The following ROBO1 variants were observed in gnomAD, a reference collection of about 807,000 sequenced individuals.
ROBO1 encodes the protein roundabout guidance receptor 1, also known as roundabout homolog 1.
In ROBO1, 149 loss-of-function variants were observed where a neutral mutation model predicts 195.9. The observed-to-expected ratio is 0.76, with a 90% confidence interval of 0.67 to 0.87. The LOEUF (loss-of-function observed/expected upper bound fraction) is 0.87, where lower values mean the gene tolerates loss of function less well. ROBO1 is among the 40% of genes least tolerant of loss of function. The pLI is 0.00. For missense variants in ROBO1, 1,933 were observed against 2,068.3 expected (o/e 0.93, Z 1.27); for synonymous variants, 816 against 733.2 (o/e 1.11, Z -1.82).
At chr3:78,649,440 C>A (rs1706509380) in intron 19 of ROBO1, among the ~76,000 whole-genome samples, 1 of 152,054 alleles carries the variant, frequency 6.6e-6, no homozygotes, top group African/African-American at 2.4e-5. Context: ...ACAGGGGGTA[C>A]CCAGCGAACT....
intron 3 of ROBO1, among the ~76,000 whole-genome samples, chr3:78,981,777 T>A (rs1210772212): frequency 1.4e-5 from 2 of 146,188 alleles, no homozygotes; most frequent in Non-Finnish European, 3.0e-5. Flanking sequence ...TCCCATCCCC[T>A]GGCCCCTGCC....
intron 1 of ROBO1, among the ~76,000 whole-genome samples, chr3:79,684,433 T>C (rs1947040073): frequency 1.3e-5 from 2 of 152,160 alleles, no homozygotes; most frequent in African/African-American, 4.8e-5. Flanking sequence ...CTCTAGTTAG[T>C]GAGACATATT....
At chr3:79,315,472 T>A (rs1350217109) in intron 2 of ROBO1, among the ~76,000 whole-genome samples, 1 of 152,170 alleles carries the variant, frequency 6.6e-6, no homozygotes, top group African/African-American at 2.4e-5. Context: ...ACTCTGGATA[T>A]CTTTTCAAGG....
intron 10 of ROBO1, among the ~76,000 whole-genome samples, chr3:78,680,540 C>T (rs2080872239): frequency 6.6e-6 from 1 of 152,022 alleles, no homozygotes; most frequent in Non-Finnish European, 1.5e-5. Context: ...ACAGACACTT[C>T]TCAAAAGAAG....
intron 2 of ROBO1, among the ~76,000 whole-genome samples, chr3:79,417,510 T>A (rs2038054622): frequency 2.0e-5 from 3 of 152,108 alleles, no homozygotes; most frequent in African/African-American, 7.2e-5. Context: ...AGATAATAGA[T>A]ATTTGTTGTT....
intron 4 of ROBO1, among the ~76,000 whole-genome samples, chr3:78,924,708 T>C (rs76530739): frequency 6.6e-6 from 1 of 151,850 alleles, no homozygotes; most frequent in Non-Finnish European, 1.5e-5. Context: ...TTAATCATTA[T>C]AGCTTAGAAA....
chr3:79,423,747 CA>C (rs1177209810), intron 2 of ROBO1, among the ~76,000 whole-genome samples: 2 of 151,980 alleles, frequency 1.3e-5, no homozygotes, highest in African/African-American at 4.8e-5. Context: ...TTACTGACGA[CA>C]AATATAAAGT....
At chr3:79,494,579 C>T (rs996124442) in intron 2 of ROBO1, among the ~76,000 whole-genome samples, 5 of 151,954 alleles carry the variant, frequency 3.3e-5, no homozygotes, top group Non-Finnish European at 7.4e-5. Context: ...TACACATTAA[C>T]AGATTCAGAA....
chr3:79,283,121 ATTAGCAAGTACATTCCTCAATCAT>A (rs2031636427), intron 2 of ROBO1, among the ~76,000 whole-genome samples: 1 of 152,204 alleles, frequency 6.6e-6, no homozygotes, highest in Non-Finnish European at 1.5e-5. Context: ...TTTGTACCTA[ATTAGCAAGTACATTCCTCAATCAT>A]GCCATCCATA....
intron 3 of ROBO1, among the ~76,000 whole-genome samples, chr3:78,964,512 C>A (rs946775839): frequency 2.0e-5 from 3 of 152,074 alleles, no homozygotes; most frequent in African/African-American, 7.2e-5. Context: ...AAAAAAAAGG[C>A]TTTTTGTTCT....
intron 3 of ROBO1, among the ~76,000 whole-genome samples, chr3:78,939,749 A>G (rs1264532129): frequency 6.6e-6 from 1 of 151,424 alleles, no homozygotes; most frequent in Non-Finnish European, 1.5e-5. Context: ...ACTTCCCCAG[A>G]GTTTTTATTA....
At chr3:79,104,093 G>T (rs1474814409) in intron 3 of ROBO1, among the ~76,000 whole-genome samples, 1 of 151,656 alleles carries the variant, frequency 6.6e-6, no homozygotes, top group African/African-American at 2.4e-5. Flanking sequence ...TCCGACCTAG[G>T]GATTTTGATT....
chr3:79,091,754 A>G (rs1576663357), intron 3 of ROBO1, among the ~76,000 whole-genome samples: 1 of 152,304 alleles, frequency 6.6e-6, no homozygotes, highest in East Asian at 1.9e-4. Flanking sequence ...GTTTGTGGGA[A>G]GAACATTCTG....
intron 3 of ROBO1, among the ~76,000 whole-genome samples, chr3:78,964,696 G>A (rs1025432500): frequency 1.3e-5 from 2 of 151,524 alleles, no homozygotes; most frequent in African/African-American, 2.4e-5. Flanking sequence ...AAAGAACAGA[G>A]GTCATAAAAA....
intron 4 of ROBO1, among the ~76,000 whole-genome samples, chr3:78,921,372 C>T (rs1277166807): frequency 1.3e-5 from 2 of 152,090 alleles, no homozygotes; most frequent in Non-Finnish European, 2.9e-5. Context: ...AGCATAAGTA[C>T]CCTCTCTATG....
chr3:79,159,175 T>C (rs1559701399), intron 2 of ROBO1, among the ~76,000 whole-genome samples: 1 of 152,002 alleles, frequency 6.6e-6, no homozygotes, highest in Non-Finnish European at 1.5e-5. Flanking sequence ...ACAATCTTAG[T>C]AAGTGATTTG....
chr3:79,464,796 G>T (rs760134573), intron 2 of ROBO1, among the ~76,000 whole-genome samples: 2 of 151,976 alleles, frequency 1.3e-5, no homozygotes, highest in Non-Finnish European at 2.9e-5. Context: ...TTGAAGAAAG[G>T]ATTATGATCA....
At chr3:78,989,393 C>G (rs1187704493) in intron 3 of ROBO1, among the ~76,000 whole-genome samples, 2 of 152,176 alleles carry the variant, frequency 1.3e-5, no homozygotes, top group African/African-American at 4.8e-5. Context: ...GCGGGTGGAA[C>G]ACTTGAGGTT....
intron 10 of ROBO1, among the ~76,000 whole-genome samples, chr3:78,671,310 T>G (rs899908654): frequency 6.6e-6 from 1 of 152,102 alleles, no homozygotes; most frequent in Non-Finnish European, 1.5e-5. Context: ...TTTTTTTTAA[T>G]GACTTAAAAA....
Sources: gnomAD v4.1 joint callset for allele counts (sites outside exome capture counted in the v4.1 genomes callset) on GRCh38, gnomAD v4.1.1 for gene constraint, MANE v1.5 for transcripts, NCBI Gene and HGNC (gene_info 2026-07-23, HGNC 2026-07-21) for gene names.